Variants in ARID1A observed in about 807,000 individuals in gnomAD.
The protein encoded by ARID1A is AT-rich interactive domain-containing protein 1A.
Under a neutral mutation model 212.6 loss-of-function variants are expected in ARID1A, and 20 were observed. The ratio of observed to expected loss-of-function variants is 0.09; its 90% confidence interval spans 0.07 to 0.14. ARID1A has a LOEUF of 0.14. ARID1A is among the 10% of genes least tolerant of loss of function. ARID1A has a pLI of 1.00. For synonymous variants in ARID1A, 1,376 were observed against 1,222.1 expected (o/e 1.13, Z -2.63); for missense variants, 2,587 against 3,059.0 (o/e 0.85, Z 3.64).
At chr1:26,704,106 A>G (rs2080364422) in intron 1 of ARID1A, among the ~76,000 whole-genome samples, 1 of 152,188 alleles carries the variant, frequency 6.6e-6, no homozygotes. Context: ...TTGCACATCC[A>G]TCTCCAGACC....
At chr1:26,756,561 C>CT (rs2080938662) in intron 4 of ARID1A, among the ~76,000 whole-genome samples, 1 of 131,442 alleles carries the variant, frequency 7.6e-6, no homozygotes, top group East Asian at 6.7e-4. Context: ...GACCCTGTCT[C>CT]TTTAAAAAAA....
At position 26,761,904 on chromosome 1, in the gene ARID1A, G is replaced by T. The variant is rs536033947; in HGVS notation, c.2252-248G>T. On this transcript the variant is annotated intron_variant, in intron 6 of 19. Coordinates refer to ENST00000324856, the MANE Select transcript of ARID1A (RefSeq NM_006015.6). The stretch of plus-strand genomic sequence containing the variant: ...CTTCACTCATCAAGTCATTCATTTT[G>T]GTTTTTGTCATTGTTCTTTGTCTTT... Among the ~76,000 whole-genome samples, 33 of 152,162 alleles carry T rather than the reference G, an allele frequency of 2.2e-4. No individual in the cohort carries two copies. The highest frequency in any genetic ancestry group is 7.5e-4 in the African/African-American group (31 of 41,492).
chr1:26,732,899 A>C, intron 4 of ARID1A, 107 bp downstream of exon 4: 1 of 971,930 alleles, frequency 1.0e-6, no homozygotes. Flanking sequence ...TAAATGAATA[A>C]GTTATTTCTT....
In ARID1A at chr1:26,774,037, GCCTGA is replaced by G; in HGVS notation, c.4101+140_4101+144del. On this transcript the variant is annotated intron_variant, in intron 17 of 19. Transcript: ENST00000324856. The surrounding 1 kb of genome is among the most constrained non-coding windows in gnomAD (Gnocchi z 5.6). ...TTCTCTCACCTGACTGGCCAGTCCT[GCCTGA>G]AGAGCCACGTCCTCAATCTCTTCTC... 2 of 1,167,916 alleles carry G rather than the reference GCCTGA, an allele frequency of 1.7e-6. No homozygotes were observed. Among genetic ancestry groups the G allele is most frequent in the Admixed American group, 2.4e-5 (1 of 41,136 alleles). The allele number at this position is 1,167,916 out of a possible 1,614,324, so 72.3% of individuals were successfully genotyped here.
At position 26,696,133 on chromosome 1, in the gene ARID1A, C is replaced by G; in HGVS notation, c.-271C>G. The G allele has an allele frequency of 8.3e-6, 4 of 480,336 alleles. No individual in the cohort carries two copies. Among genetic ancestry groups the G allele is most frequent in the Non-Finnish European group, 1.2e-5 (4 of 337,668 alleles). 29.8% of individuals were successfully genotyped at this position (480,336 alleles called of 1,614,324 possible). A position where few individuals can be genotyped will look rare whatever the true frequency, so the allele number is the denominator to read the frequency against. On this transcript the variant is annotated 5_prime_UTR_variant, in exon 1 of 20. Coordinates refer to ENST00000324856, the MANE Select transcript of ARID1A (RefSeq NM_006015.6). ...CTTGGGGGGAATGAGCCGGGAGAGC[C>G]GGGTCCCGAGCCTACAGAGCCGGGA... is the stretch of plus-strand genomic sequence containing the variant.
chr1:26,727,809 G>A (rs1261788176), intron 1 of ARID1A: 1 of 152,234 alleles, frequency 6.6e-6, no homozygotes, highest in Non-Finnish European at 1.5e-5. Context: ...GAGGCCACAT[G>A]GACAGCAGCT....
At chr1:26,728,346 C>CTTAATAGCATTA (rs1384877446) in intron 1 of ARID1A, among the ~76,000 whole-genome samples, 1 of 152,158 alleles carries the variant, frequency 6.6e-6, no homozygotes, top group African/African-American at 2.4e-5. Flanking sequence ...CTATAAAACA[C>CTTAATAGCATTA]TTAATAGCAT....
intron 4 of ARID1A, among the ~76,000 whole-genome samples, chr1:26,748,137 G>A (rs2080854240): frequency 6.6e-6 from 1 of 152,188 alleles, no homozygotes; most frequent in African/African-American, 2.4e-5. Flanking sequence ...ACAAAACCAA[G>A]GAGGCCATCC....
intron 1 of ARID1A, among the ~76,000 whole-genome samples, chr1:26,712,969 A>G (rs1275202384): frequency 6.6e-6 from 1 of 152,260 alleles, no homozygotes; most frequent in Non-Finnish European, 1.5e-5. Flanking sequence ...TTCCCATTAA[A>G]AACAAGTATT....
At chr1:26,732,186 G>A (rs1189676004) in intron 3 of ARID1A, among the ~76,000 whole-genome samples, 3 of 152,162 alleles carry the variant, frequency 2.0e-5, no homozygotes, top group Admixed American at 6.5e-5. Flanking sequence ...GTAGGTAATA[G>A]AGCCTAAAAT....
At chr1:26,741,416 T>C (rs1474410748) in intron 4 of ARID1A, among the ~76,000 whole-genome samples, 1 of 151,930 alleles carries the variant, frequency 6.6e-6, no homozygotes, top group Non-Finnish European at 1.5e-5. Flanking sequence ...ACTCTTGAAA[T>C]GCACTGAGAA....
At chr1:26,744,294 G>A (rs540218813) in intron 4 of ARID1A, among the ~76,000 whole-genome samples, 7 of 152,292 alleles carry the variant, frequency 4.6e-5, no homozygotes, top group African/African-American at 1.4e-4. Context: ...CCCATTTCCT[G>A]TTTCTATTCT....
intron 4 of ARID1A, among the ~76,000 whole-genome samples, chr1:26,757,205 A>G (rs952743550): frequency 6.7e-6 from 1 of 148,982 alleles, no homozygotes; most frequent in African/African-American, 2.5e-5. Context: ...ACAGACGGAG[A>G]CCCTGTCTCT....
intron 14 of ARID1A, 39 bp from the exon 15 acceptor site, chr1:26,773,307 A>C (rs769757475): frequency 6.5e-7 from 1 of 1,534,344 alleles, no homozygotes; most frequent in Non-Finnish European, 8.8e-7. Context: ...AGGCTTGTCA[A>C]CTTACCAGTT....
chr1:26,765,712 A>C (rs1228148106), intron 8 of ARID1A: 1 of 152,718 alleles, frequency 6.5e-6, no homozygotes, highest in Admixed American at 6.5e-5. Flanking sequence ...TAAAAATACA[A>C]CATTAGCCGG....
chr1:26,729,441 T>TAGCTTACA (rs2080651233), intron 1 of ARID1A: 2 of 593,390 alleles, frequency 3.4e-6, no homozygotes, highest in East Asian at 5.8e-5. Context: ...TTTTCACAAA[T>TAGCTTACA]AGGTGGTATT....
chr1:26,707,866 A>G (rs886872548), intron 1 of ARID1A, among the ~76,000 whole-genome samples: 3 of 152,204 alleles, frequency 2.0e-5, no homozygotes, highest in African/African-American at 7.2e-5. Context: ...GGTTTGTCTG[A>G]CAAGGTAGAC....
chr1:26,719,941 CAAAA>C (rs1213565550), intron 1 of ARID1A, among the ~76,000 whole-genome samples: 9 of 49,680 alleles, frequency 1.8e-4, no homozygotes, highest in Admixed American at 2.6e-4. Flanking sequence ...AAGTCCGTCT[CAAAA>C]AAAAAAAAAA....
intron 1 of ARID1A, chr1:26,727,717 T>G (rs1221147275): frequency 6.6e-6 from 1 of 152,168 alleles, no homozygotes. Context: ...TGACTGCCCC[T>G]CATGTTGTGG....
Sources: allele counts gnomAD v4.1 joint callset (sites outside exome capture counted in the v4.1 genomes callset), GRCh38; gene constraint gnomAD v4.1.1; non-coding constraint Gnocchi (gnomAD v3.1); transcripts MANE v1.5; gene names NCBI Gene and HGNC (gene_info 2026-07-23, HGNC 2026-07-21).